TTYH3: variants seen among roughly 807,000 people sequenced by gnomAD.
TTYH3 encodes the protein tweety family member 3.
In TTYH3, 23 loss-of-function variants were observed where a neutral mutation model predicts 68.2. The observed-to-expected ratio is 0.34, with a 90% CI of 0.24 to 0.48. The LOEUF is 0.48. Ranked by LOEUF, TTYH3 falls within the 20% of genes least tolerant of loss-of-function variation. The pLI, the probability that TTYH3 is intolerant of heterozygous loss-of-function variation, is 0.99. For missense variants in TTYH3, 768 were observed against 727.7 expected, an observed-to-expected ratio of 1.06 and a Z score of -0.64; for synonymous variants, 360 against 332.8, an observed-to-expected ratio of 1.08 and a Z score of -0.89.
At position 2,649,959 on chromosome 7, in the gene TTYH3, T is replaced by C; in HGVS notation, c.842T>C (p.Met281Thr). ...GACCCTGACGCCTACGTGACCAAAA[T>C]GGTGGAGGAGTACTCGGTGCTGAGT... is the stretch of plus-strand genomic sequence containing the variant. ...CVDPDAYVTK[M>T]VEEYSVLSGD... The change falls in exon 7 of 14, where the codon ATG becomes ACG. Residue 281 changes from methionine (M) to threonine (T), a missense_variant. Transcript: ENST00000258796. 2 of 1,613,884 alleles carry C rather than the reference T, an allele frequency of 1.2e-6. No homozygotes were observed. The highest frequency in any genetic ancestry group is 1.7e-6 in the Non-Finnish European group (2 of 1,179,948).
In TTYH3 at chr7:2,658,927, C is replaced by T. The variant is rs747768944; in HGVS notation, c.1425-13C>T. ...CAGCAGGCACTCACAGCCTCTCTCCCCTCATGCCTCAGGAGCCAGAACGCT... is the reference window on the plus strand; with the variant it reads ...CAGCAGGCACTCACAGCCTCTCTCCTCTCATGCCTCAGGAGCCAGAACGCT... On this transcript the variant is annotated splice_polypyrimidine_tract_variant and intron_variant, in intron 12 of 13. Transcript: ENST00000258796. 1.2e-6 allele frequency: 2 copies of T among 1,613,824 alleles called. No individual in the cohort carries two copies. Among genetic ancestry groups the T allele is most frequent in the Non-Finnish European group, 1.7e-6 (2 of 1,179,746 alleles).
intron 13 of TTYH3, chr7:2,660,067 G>A (rs1028972649): frequency 3.9e-6 from 5 of 1,292,208 alleles, no homozygotes; most frequent in East Asian, 5.7e-5. Flanking sequence ...CCCCCATCCC[G>A]CACGGCCACC....
chr7:2,643,428 G>A lies in TTYH3; in HGVS notation c.124-3425G>A, dbSNP rs941252459. On this transcript the variant is annotated intron_variant, in intron 1 of 13. Coordinates refer to ENST00000258796, the MANE Select transcript of TTYH3 (RefSeq NM_025250.3). ...TGCTGCCTTTTCTGTTTTTCTCAGC[G>A]TCTCTCACCATCCAGCAGGCTTCAC... Among the ~76,000 whole-genome samples the A allele has an allele frequency of 9.2e-5, 14 of 151,800 alleles. No homozygotes were observed. The East Asian group carries it at 1.7e-3, about 19-fold the overall frequency.
At position 2,650,030 on chromosome 7, in the gene TTYH3, G is replaced by A. The variant is rs751023045; in HGVS notation, c.871+42G>A. 9 of 1,609,580 alleles carry A rather than the reference G, an allele frequency of 5.6e-6. No homozygotes were observed. The East Asian group carries it at 2.0e-4, about 36-fold the overall frequency. On this transcript the variant is annotated intron_variant, in intron 7 of 13. Transcript: ENST00000258796. Reference sequence around the variant, plus strand: ...GGCCGTGTCCCAGCGGGTTCCCCAGGGTTGGGCTGAGCCAAAAGAGTGGGG... The same window carrying A: ...GGCCGTGTCCCAGCGGGTTCCCCAGAGTTGGGCTGAGCCAAAAGAGTGGGG...
intron 1 of TTYH3, among the ~76,000 whole-genome samples, chr7:2,641,798 G>T (rs1785854309): frequency 1.3e-5 from 2 of 152,140 alleles, no homozygotes; most frequent in African/African-American, 4.8e-5. Context: ...GGCTGGCCAC[G>T]GCACGCTCCC....
Position 2,663,246 on chromosome 7 carries a change from T to A in TTYH3, c.*1507T>A, listed in dbSNP as rs1184710873. 6.6e-6 allele frequency: 1 copy of A among 152,498 alleles called. No individual in the cohort carries two copies. Among genetic ancestry groups the A allele is most frequent in the Admixed American group, 6.5e-5 (1 of 15,286 alleles). 9.4% of individuals were successfully genotyped at this position (152,498 alleles called of 1,614,324 possible). A position where few individuals can be genotyped will look rare whatever the true frequency, so the allele number is the denominator to read the frequency against. On this transcript the variant is annotated 3_prime_UTR_variant, in exon 14 of 14. Coordinates refer to ENST00000258796, the MANE Select transcript of TTYH3 (RefSeq NM_025250.3). The stretch of plus-strand genomic sequence containing the variant: ...CAGGGGTCAAGGCTGGGCCCTGCAG[T>A]GGGGCGGGCCGCCAGCCCCAGCAGT...
chr7:2,633,304 G>A (rs955377737), intron 1 of TTYH3, among the ~76,000 whole-genome samples: 1 of 152,154 alleles, frequency 6.6e-6, no homozygotes, highest in Non-Finnish European at 1.5e-5. Context: ...CCGGTATTCC[G>A]CGGGCAGCCT....
rs1219750610 is a variant in TTYH3, at chr7:2,663,087, G to T, written c.*1348G>T. 1 of 152,362 alleles carries T rather than the reference G, an allele frequency of 6.6e-6. No homozygotes were observed. The highest frequency in any genetic ancestry group is 1.5e-5 in the Non-Finnish European group (1 of 68,100). The allele number at this position is 152,362 out of a possible 1,614,324, so 9.4% of individuals were successfully genotyped here. ...TTTGCTGTGCTTCCCGCCGTGGAGG[G>T]CAGAGCCACCCCACATCAGGATCGG... On this transcript the variant is annotated 3_prime_UTR_variant, in exon 14 of 14. Coordinates refer to ENST00000258796, the MANE Select transcript of TTYH3 (RefSeq NM_025250.3).
At chr7:2,646,054 G>C (rs1219886275) in intron 1 of TTYH3, among the ~76,000 whole-genome samples, 1 of 151,400 alleles carries the variant, frequency 6.6e-6, no homozygotes, top group Non-Finnish European at 1.5e-5. Context: ...CGCTCTTGTC[G>C]CCCAGGCTGG....
intron 1 of TTYH3, among the ~76,000 whole-genome samples, chr7:2,642,523 CAG>C (rs1785873324): frequency 8.3e-6 from 1 of 120,838 alleles, no homozygotes; most frequent in African/African-American, 3.3e-5. Flanking sequence ...GCCTCAGTGA[CAG>C]AGACTCTGTC....
At chr7:2,654,823 T>A (rs1184276845) in intron 9 of TTYH3, among the ~76,000 whole-genome samples, 2 of 152,212 alleles carry the variant, frequency 1.3e-5, no homozygotes, top group Non-Finnish European at 2.9e-5. Flanking sequence ...CTCTCTCTGT[T>A]GCCCAGGCTG....
At position 2,662,018 on chromosome 7, in the gene TTYH3, C is replaced by T; in HGVS notation, c.*279C>T. On this transcript the variant is annotated 3_prime_UTR_variant, in exon 14 of 14. Coordinates refer to ENST00000258796, the MANE Select transcript of TTYH3 (RefSeq NM_025250.3). The stretch of plus-strand genomic sequence containing the variant: ...CCACTATCCCGGCACGCTCCCTCTG[C>T]AGATGGTCGCCGCACCTACAAGCCC... 2 of 579,390 alleles carry T rather than the reference C, an allele frequency of 3.5e-6. No individual in the cohort carries two copies. Among genetic ancestry groups the T allele is most frequent in the Non-Finnish European group, 6.2e-6 (2 of 323,216 alleles). The allele number at this position is 579,390 out of a possible 1,614,324, so 35.9% of individuals were successfully genotyped here.
intron 13 of TTYH3, among the ~76,000 whole-genome samples, chr7:2,661,186 C>T (rs1224909211): frequency 6.6e-6 from 1 of 152,220 alleles, no homozygotes; most frequent in Non-Finnish European, 1.5e-5. Flanking sequence ...CCTCCGTACT[C>T]CTGCATGCTG....
chr7:2,639,256 A>T (rs1439710001), intron 1 of TTYH3, among the ~76,000 whole-genome samples: 1 of 152,058 alleles, frequency 6.6e-6, no homozygotes, highest in Non-Finnish European at 1.5e-5. Flanking sequence ...TGCCATACGC[A>T]CAGGCTCAGG....
chr7:2,660,654 G>A lies in TTYH3; in HGVS notation c.1501-1014G>A, dbSNP rs906024817. On this transcript the variant is annotated intron_variant, in intron 13 of 13. Transcript: ENST00000258796. Reference sequence around the variant, plus strand: ...CTCCTCCCCCCACCCCCTCCGTGGCGTCCCCACAGGCTGCTCGAAACCTTC... The same window carrying A: ...CTCCTCCCCCCACCCCCTCCGTGGCATCCCCACAGGCTGCTCGAAACCTTC... 1.5e-5 allele frequency: 11 copies of A among 740,720 alleles called. No homozygotes were observed. The South Asian group carries it at 3.0e-4, about 20-fold the overall frequency. The allele number at this position is 740,720 out of a possible 1,614,324, so 45.9% of individuals were successfully genotyped here. A position where few individuals can be genotyped will look rare whatever the true frequency, so the allele number is the denominator to read the frequency against.
intron 12 of TTYH3, among the ~76,000 whole-genome samples, 167 bp from the exon 13 acceptor site, chr7:2,658,773 C>T (rs915539288): frequency 6.6e-6 from 1 of 152,186 alleles, no homozygotes; most frequent in Non-Finnish European, 1.5e-5. Flanking sequence ...AGGGGTCTCT[C>T]TGTGGGCCCT....
At chr7:2,641,742 G>A (rs891306351) in intron 1 of TTYH3, among the ~76,000 whole-genome samples, 4 of 152,268 alleles carry the variant, frequency 2.6e-5, no homozygotes, top group East Asian at 1.9e-4. Context: ...CCCCGCAGGA[G>A]ACCGTCTGCT....
rs532150887 is a variant in TTYH3 at position 2,637,517 on chromosome 7, C to T, written c.123+5239C>T. On this transcript the variant is annotated intron_variant, in intron 1 of 13. Coordinates refer to ENST00000258796, the MANE Select transcript of TTYH3 (RefSeq NM_025250.3). The stretch of plus-strand genomic sequence containing the variant: ...GCCACGTCCGTCCCAGTGGATACAG[C>T]GTCAGCACAGTTCGTGAACCCAGGG... 9.5e-4 allele frequency among the ~76,000 whole-genome samples: 144 copies of T among 152,276 alleles called. 2 individuals are homozygous for T. Among genetic ancestry groups the T allele is most frequent in the Non-Finnish European group, 1.6e-4 (11 of 68,020 alleles).
chr7:2,634,940 G>A (rs944372288), intron 1 of TTYH3, among the ~76,000 whole-genome samples: 4 of 152,152 alleles, frequency 2.6e-5, no homozygotes, highest in Non-Finnish European at 1.5e-5. Context: ...TGCCGCTGGG[G>A]GTGTGACCGT....
Sources: allele counts gnomAD v4.1 joint callset (sites outside exome capture counted in the v4.1 genomes callset), GRCh38; gene constraint gnomAD v4.1.1; transcripts MANE v1.5; gene names NCBI Gene and HGNC (gene_info 2026-07-23, HGNC 2026-07-21).